Variants in LRRC4C observed in about 807,000 individuals in gnomAD.
LRRC4C encodes leucine rich repeat containing 4C, also known as leucine-rich repeat-containing protein 4C.
LRRC4C carries 5 observed loss-of-function variants against 33.6 expected under a neutral mutation model. That is an observed-to-expected ratio of 0.15 (90% confidence interval 0.08 to 0.31). LRRC4C has a LOEUF of 0.31. Among genes scored for constraint, LRRC4C ranks in the 10% least tolerant of loss-of-function variants. The probability of loss-of-function intolerance (pLI) is 1.00; values close to 1 mark genes in which losing one functional copy is unlikely to be tolerated. For synonymous variants in LRRC4C, 329 were observed against 302.0 expected (o/e 1.09, Z -0.93); for missense variants, 560 against 796.7 (o/e 0.70, Z 3.58).
chr11:41,407,301 C>A (rs1337085211), intron 1 of LRRC4C, among the ~76,000 whole-genome samples: 1 of 133,316 alleles, frequency 7.5e-6, no homozygotes, highest in African/African-American at 2.7e-5. Context: ...TGAATTTTTC[C>A]TTTTTTTTTT....
rs148081061 is a variant in LRRC4C at position 40,871,707 on chromosome 11, A to C, written c.-407+61928T>G. Among the ~76,000 whole-genome samples the C allele has an allele frequency of 5.4e-3, 818 of 151,718 alleles. 13 individuals carry two copies. The highest frequency in any genetic ancestry group is 0.018 in the African/African-American group (724 of 41,364). On this transcript the variant is annotated intron_variant, in intron 2 of 6. Transcript: ENST00000528697. ...TTCCACCTGGTACACTAGACTCCCC[A>C]CTCTCCTGCAGCTTCCTTTAAAAGG...
intron 5 of LRRC4C, among the ~76,000 whole-genome samples, chr11:40,144,714 A>C (rs1857601123): frequency 6.6e-6 from 1 of 152,244 alleles, no homozygotes; most frequent in Admixed American, 6.5e-5. Flanking sequence ...AAGTTAAAGT[A>C]TAAGAAAGTT....
intron 1 of LRRC4C, among the ~76,000 whole-genome samples, chr11:41,301,424 A>C (rs1950285301): frequency 6.6e-6 from 1 of 152,216 alleles, no homozygotes; most frequent in Non-Finnish European, 1.5e-5. Context: ...TAAAAAGCAG[A>C]GAGAAAAATT....
intron 1 of LRRC4C, among the ~76,000 whole-genome samples, chr11:41,273,884 T>C (rs1949396939): frequency 6.6e-6 from 1 of 152,198 alleles, no homozygotes; most frequent in Non-Finnish European, 1.5e-5. Context: ...ATGTGCATTT[T>C]CTGTAAATCA....
chr11:40,710,934 C>T (rs576884214), intron 2 of LRRC4C, among the ~76,000 whole-genome samples: 9 of 152,312 alleles, frequency 5.9e-5, no homozygotes, highest in Admixed American at 5.2e-4. Context: ...GTCAGGCTTG[C>T]TGCCTCGCAA....
intron 2 of LRRC4C, among the ~76,000 whole-genome samples, chr11:40,737,046 G>T (rs1947905127): frequency 6.6e-6 from 1 of 151,994 alleles, no homozygotes; most frequent in Non-Finnish European, 1.5e-5. Flanking sequence ...CATTGCTTTT[G>T]GTGTTTTAGT....
chr11:41,003,283 T>C (rs1854511774), intron 1 of LRRC4C, among the ~76,000 whole-genome samples: 1 of 152,142 alleles, frequency 6.6e-6, no homozygotes, highest in Non-Finnish European at 1.5e-5. Context: ...CAAAAATGTC[T>C]ATATGTAAAG....
chr11:40,687,856 C>T (rs1324504405), intron 2 of LRRC4C, among the ~76,000 whole-genome samples: 1 of 152,058 alleles, frequency 6.6e-6, no homozygotes, highest in Non-Finnish European at 1.5e-5. Context: ...AGATTATTTT[C>T]TGGCATAGAA....
chr11:41,233,961 C>T (rs1565502906), intron 1 of LRRC4C, among the ~76,000 whole-genome samples: 2 of 149,448 alleles, frequency 1.3e-5, no homozygotes, highest in Non-Finnish European at 3.0e-5. Flanking sequence ...TAGCCTTCTC[C>T]AAAAGCTTTT....
At chr11:41,262,872 A>T (rs1175141960) in intron 1 of LRRC4C, among the ~76,000 whole-genome samples, 1 of 152,126 alleles carries the variant, frequency 6.6e-6, no homozygotes, top group African/African-American at 2.4e-5. Flanking sequence ...TTACCTGAGA[A>T]TTTAAGTGTT....
At chr11:40,863,687 AC>A (rs1954212919) in intron 2 of LRRC4C, among the ~76,000 whole-genome samples, 1 of 152,212 alleles carries the variant, frequency 6.6e-6, no homozygotes, top group Middle Eastern at 3.2e-3. Context: ...GGCAAATCTG[AC>A]AGAAGAATAA....
rs565212435 is a variant in LRRC4C, at chr11:41,115,979, C to T, written c.-495-182256G>A. ...TGAGTCCAGCTCCTCTGTGACTCTT[C>T]TAGCCTTCCCCTTTCCACCATGAGA... On this transcript the variant is annotated intron_variant, in intron 1 of 6. Transcript: ENST00000528697. Among the ~76,000 whole-genome samples the T allele has an allele frequency of 2.0e-5, 3 of 152,212 alleles. No homozygotes were observed. In the South Asian group the frequency reaches 6.2e-4, roughly 32 times the overall value.
At chr11:40,492,083 A>G (rs926810267) in intron 3 of LRRC4C, among the ~76,000 whole-genome samples, 1 of 152,222 alleles carries the variant, frequency 6.6e-6, no homozygotes, top group Admixed American at 6.5e-5. Context: ...AGATGGCACT[A>G]GAGAGTTCAG....
chr11:40,530,446 C>T (rs1956228132), intron 3 of LRRC4C, among the ~76,000 whole-genome samples: 1 of 148,558 alleles, frequency 6.7e-6, no homozygotes, highest in South Asian at 2.1e-4. Flanking sequence ...CCCAGGTTCT[C>T]TTATCAGAAA....
chr11:41,352,904 C>T (rs1348147092), intron 1 of LRRC4C, among the ~76,000 whole-genome samples: 1 of 152,014 alleles, frequency 6.6e-6, no homozygotes, highest in Admixed American at 6.6e-5. Flanking sequence ...GTGCTAAACT[C>T]CTTCATCAAA....
At chr11:41,111,691 G>A (rs1331972010) in intron 1 of LRRC4C, among the ~76,000 whole-genome samples, 2 of 151,914 alleles carry the variant, frequency 1.3e-5, no homozygotes, top group Non-Finnish European at 1.5e-5. Flanking sequence ...TGGAACGTAG[G>A]AATTTGCAGT....
At position 40,342,285 on chromosome 11, in the gene LRRC4C, A is replaced by G. The variant is rs545084081; in HGVS notation, c.-269-22564T>C. ...ACAGATCAAGACAATCCTGGCCAAC[A>G]TGGTGAAACCCATTTCTACTAAAAA... is the stretch of plus-strand genomic sequence containing the variant. On this transcript the variant is annotated intron_variant, in intron 3 of 6. Coordinates refer to ENST00000528697, the MANE Select transcript of LRRC4C (RefSeq NM_001258419.2). Among the ~76,000 whole-genome samples, 8 of 152,296 alleles carry G rather than the reference A, an allele frequency of 5.3e-5. No individual in the cohort carries two copies. The East Asian group carries it at 1.4e-3, about 26-fold the overall frequency.
chr11:40,871,359 G>A (rs1333837503), intron 2 of LRRC4C, among the ~76,000 whole-genome samples: 8 of 151,866 alleles, frequency 5.3e-5, no homozygotes, highest in African/African-American at 1.5e-4. Flanking sequence ...CTGGTTTTAC[G>A]GCTCAGGGGG....
At chr11:40,159,375 C>CAG (rs1858973194) in intron 5 of LRRC4C, among the ~76,000 whole-genome samples, 1 of 152,118 alleles carries the variant, frequency 6.6e-6, no homozygotes, top group Non-Finnish European at 1.5e-5. Flanking sequence ...ATCTCATTAG[C>CAG]AGAGACTAAG....
Sources: allele counts gnomAD v4.1 joint callset (sites outside exome capture counted in the v4.1 genomes callset), GRCh38; gene constraint gnomAD v4.1.1; transcripts MANE v1.5; gene names NCBI Gene and HGNC (gene_info 2026-07-23, HGNC 2026-07-21).